INTS2: variants seen among roughly 807,000 people sequenced by gnomAD.
INTS2 encodes integrator complex subunit 2.
In INTS2, 57 loss-of-function variants were observed where a neutral mutation model predicts 139.6. The ratio of observed to expected loss-of-function variants is 0.41; its 90% CI spans 0.33 to 0.51. The LOEUF (loss-of-function observed/expected upper bound fraction) is 0.51, where lower values mean the gene tolerates loss of function less well. Ranked by LOEUF, INTS2 falls within the 20% of genes least tolerant of loss-of-function variation. INTS2 has a pLI of 0.28. For missense variants in INTS2, 1,196 were observed against 1,436.7 expected (o/e 0.83, Z 2.71); for synonymous variants, 473 against 493.4 (o/e 0.96, Z 0.55).
chr17:61,904,687 T>C (rs762053699), intron 8 of INTS2, 102 bp from the exon 9 acceptor site: 36 of 940,526 alleles, frequency 3.8e-5, no homozygotes, highest in Non-Finnish European at 3.6e-5. Flanking sequence ...TTTATAATGG[T>C]ATCTTGCTAT....
At chr17:61,886,515 A>G (rs1254851174) in intron 15 of INTS2, among the ~76,000 whole-genome samples, 1 of 152,142 alleles carries the variant, frequency 6.6e-6, no homozygotes, top group Non-Finnish European at 1.5e-5. Flanking sequence ...TCTATGGCCC[A>G]CTTTCCCTGC....
Position 61,899,684 on chromosome 17 carries a change from G to T in INTS2, c.1308-1945C>A, listed in dbSNP as rs374633750. The stretch of plus-strand genomic sequence containing the variant: ...CCAGCAATTTGGGAGGACAAGACAG[G>T]AGGATAGCTTGAGCCCAGCAGTTCA... On this transcript the variant is annotated intron_variant, in intron 9 of 24. Coordinates refer to ENST00000251334, the MANE Select transcript of INTS2 (RefSeq NM_001351695.2). Among the ~76,000 whole-genome samples the T allele has an allele frequency of 4.6e-5, 7 of 152,186 alleles. No individual in the cohort carries two copies. The East Asian group carries it at 9.7e-4, about 21-fold the overall frequency.
chr17:61,926,629 T>A lies in INTS2; in HGVS notation c.16A>T (p.Ser6Cys), dbSNP rs746243115. ...GCAAAAGGGCTGACAAACTGAAGAC[T>A]TGTACATTCAGTCATTATTACTGTT... MTECT[S>C]LQFVSPFAFE... Residue 6 changes from serine to cysteine, a missense_variant, in exon 2 of 25, where the codon AGT becomes TGT. This residue lies in a region of INTS2 where 36 missense variants were observed against 30.1 expected (regional missense o/e 1.19). Coordinates refer to ENST00000251334, the MANE Select transcript of INTS2 (RefSeq NM_001351695.2). 4.3e-6 allele frequency: 7 copies of A among 1,609,906 alleles called. No individual in the cohort carries two copies. Among genetic ancestry groups the A allele is most frequent in the Non-Finnish European group, 5.9e-6 (7 of 1,177,744 alleles).
intron 5 of INTS2, 90 bp downstream of exon 5, chr17:61,919,310 C>T (rs1212609205): frequency 1.2e-5 from 8 of 645,626 alleles, no homozygotes; most frequent in Non-Finnish European, 1.9e-5. Context: ...CAAATAAAAT[C>T]CCATTAATGT....
intron 16 of INTS2, among the ~76,000 whole-genome samples, chr17:61,881,465 T>TG (rs2079178227): frequency 6.6e-6 from 1 of 152,060 alleles, no homozygotes; most frequent in Admixed American, 6.5e-5. Flanking sequence ...GGCGTGTTGT[T>TG]GGGTGCCTGT....
chr17:61,917,960 A>G (rs2079600183), intron 5 of INTS2, among the ~76,000 whole-genome samples: 1 of 152,212 alleles, frequency 6.6e-6, no homozygotes, highest in South Asian at 2.1e-4. Context: ...AATTCATCAT[A>G]AAGATATAAT....
chr17:61,922,123 T>C lies in INTS2; in HGVS notation c.433-296A>G, dbSNP rs547355367. Among the ~76,000 whole-genome samples, 4 of 152,246 alleles carry C rather than the reference T, an allele frequency of 2.6e-5. No homozygotes were observed. The South Asian group carries it at 8.3e-4, about 32-fold the overall frequency. On this transcript the variant is annotated intron_variant, in intron 3 of 24. Transcript: ENST00000251334. ...AAAGAAATGAACTACAAATGCAGCC[T>C]ACATAAACTGCTTTAAAAAAGCCAA...
At chr17:61,914,127 C>G (rs1400888843) in intron 5 of INTS2, among the ~76,000 whole-genome samples, 11 of 151,094 alleles carry the variant, frequency 7.3e-5, no homozygotes. Context: ...CGAACTATAC[C>G]TGTCCACAAG....
Position 61,869,927 on chromosome 17 carries a change from T to C in INTS2, c.2840A>G (p.Asn947Ser). The change falls in exon 21 of 25, where the codon AAT (asparagine) becomes AGT (serine). Residue 947 changes from asparagine (N) to serine (S), a missense_variant. Around this residue, in one of 3 missense-constraint regions of INTS2, gnomAD observed 1,129 missense variants for 1,341.9 expected, o/e 0.84. Coordinates refer to ENST00000251334, the MANE Select transcript of INTS2 (RefSeq NM_001351695.2). The surrounding 1 kb of genome is among the most constrained non-coding windows in gnomAD (Gnocchi z 5.4). ...TAACAAGCTATCTGGATTGACACCATTTGCTTTCTCCTCTTCAGTAGGTAG... is the reference window on the plus strand; with the variant it reads ...TAACAAGCTATCTGGATTGACACCACTTGCTTTCTCCTCTTCAGTAGGTAG... Reference protein sequence around the residue: ...ICLPTEEEKANGVNPDSLLRN... With the variant: ...ICLPTEEEKASGVNPDSLLRN... 2 of 1,613,836 alleles carry C rather than the reference T, an allele frequency of 1.2e-6. No homozygotes were observed. Among genetic ancestry groups the C allele is most frequent in the South Asian group, 1.1e-5 (1 of 91,072 alleles).
intron 3 of INTS2, among the ~76,000 whole-genome samples, chr17:61,924,575 T>C (rs530258609): frequency 5.9e-5 from 9 of 152,164 alleles, no homozygotes; most frequent in African/African-American, 1.9e-4. Flanking sequence ...TCCCAACACT[T>C]TGGGAGGCTG....
chr17:61,895,725 T>C (rs904582198), intron 11 of INTS2, among the ~76,000 whole-genome samples: 1 of 151,978 alleles, frequency 6.6e-6, no homozygotes. Flanking sequence ...TACGCACATA[T>C]ACACACACAA....
In INTS2 at chr17:61,907,489, G is replaced by A. The variant is rs544368379; in HGVS notation, c.1100C>T (p.Ser367Leu). ...VDMEPNVSVY[S>L]GLKEEHVVKA... is the part of the protein sequence containing the mutation. ...CACAACATGCTCTTCTTTCAGCCCC[G>A]AATACACAGACACATTGGGCTCCAT... is the stretch of plus-strand genomic sequence containing the variant. The change falls in exon 8 of 25, where the codon TCG (serine) becomes TTG (leucine). Residue 367 changes from serine to leucine, a missense_variant. By Grantham distance (145) the Ser-to-Leu change is moderately radical. Coordinates refer to ENST00000251334, the MANE Select transcript of INTS2 (RefSeq NM_001351695.2). 15 of 1,602,468 alleles carry A rather than the reference G, an allele frequency of 9.4e-6. No individual in the cohort carries two copies. The highest frequency in any genetic ancestry group is 4.5e-5 in the South Asian group (4 of 88,158).
Position 61,921,810 on chromosome 17 carries a change from T to G in INTS2, c.450A>C (p.Gly150=). ...GTTCAGAAGACTTGAAAAAAAATTC[T>G]CCGTTGGACTCAGACACCTTAAAAA... ...AIMNKVSESN[G]EFFFKSSELF... Residue 150 remains glycine (G), a synonymous_variant, in exon 4 of 25, where the codon GGA becomes GGC. Transcript: ENST00000251334. 6.3e-7 allele frequency: 1 copy of G among 1,591,344 alleles called. No individual in the cohort carries two copies. Among genetic ancestry groups the G allele is most frequent in the East Asian group, 2.2e-5 (1 of 44,638 alleles).
chr17:61,902,846 G>T (rs1466245437), intron 9 of INTS2, among the ~76,000 whole-genome samples: 1 of 148,424 alleles, frequency 6.7e-6, no homozygotes, highest in South Asian at 2.2e-4. Context: ...CTACAGCCTG[G>T]GTGAAAGAGC....
chr17:61,892,599 C>G (rs2079306210), intron 13 of INTS2, among the ~76,000 whole-genome samples: 4 of 151,864 alleles, frequency 2.6e-5, no homozygotes, highest in Admixed American at 2.6e-4. Context: ...CAAGACCAGA[C>G]CAGCCTGGGC....
rs1416264655 is a variant in INTS2, at chr17:61,889,826, C to T, written c.1944G>A (p.Leu648=). ...TTGCTAGAAGAGCCTCTTCATAAGACAGTATATAGTAGAGCACCAAAAGCT... is the reference window on the plus strand; with the variant it reads ...TTGCTAGAAGAGCCTCTTCATAAGATAGTATATAGTAGAGCACCAAAAGCT... ...TAQLLVLYYI[L]SYEEALLANT... The change falls in exon 15 of 25, where the codon CTG becomes CTA. Residue 648 remains leucine, a synonymous_variant. Coordinates refer to ENST00000251334, the MANE Select transcript of INTS2 (RefSeq NM_001351695.2). 6.2e-7 allele frequency: 1 copy of T among 1,611,008 alleles called. No homozygotes were observed. The highest frequency in any genetic ancestry group is 8.5e-7 in the Non-Finnish European group (1 of 1,177,770).
At chr17:61,922,328 A>C (rs1460757236) in intron 3 of INTS2, among the ~76,000 whole-genome samples, 1 of 144,614 alleles carries the variant, frequency 6.9e-6, no homozygotes. Context: ...AAAATTAGCC[A>C]AGCATGGTGG....
intron 8 of INTS2, among the ~76,000 whole-genome samples, chr17:61,905,964 T>C (rs938273177): frequency 6.6e-6 from 1 of 152,258 alleles, no homozygotes; most frequent in Non-Finnish European, 1.5e-5. Flanking sequence ...CCCAAAGTGC[T>C]GGGATTACAG....
intron 8 of INTS2, among the ~76,000 whole-genome samples, chr17:61,906,268 G>A (rs1721317042): frequency 6.6e-6 from 1 of 152,140 alleles, no homozygotes; most frequent in Non-Finnish European, 1.5e-5. Flanking sequence ...TGCTAAATCG[G>A]TAAATATAAA....
Sources: allele counts gnomAD v4.1 joint callset (sites outside exome capture counted in the v4.1 genomes callset), GRCh38; gene constraint gnomAD v4.1.1; regional missense constraint gnomAD v4.1.1; non-coding constraint Gnocchi (gnomAD v3.1); transcripts MANE v1.5; gene names NCBI Gene and HGNC (gene_info 2026-07-23, HGNC 2026-07-21).